Variants in ABL2 observed in about 807,000 individuals in gnomAD.
ABL2 encodes the protein tyrosine-protein kinase ABL2.
A neutral mutation model predicts 107.7 loss-of-function variants in ABL2; 49 were observed. That is an observed-to-expected ratio of 0.45 (90% confidence interval 0.36 to 0.58). The LOEUF (loss-of-function observed/expected upper bound fraction) is 0.58. ABL2 is among the 20% of genes least tolerant of loss of function. The pLI is 0.00. For missense variants in ABL2, 1,245 were observed against 1,457.0 expected (o/e 0.85, Z 2.37); for synonymous variants, 549 against 548.6 (o/e 1.00, Z -0.01).
chr1:179,142,960 A>T lies in ABL2; in HGVS notation c.158-9586T>A, dbSNP rs572184026. The T allele has an allele frequency of 2.5e-6, 4 of 1,614,202 alleles. No homozygotes were observed. The African/African-American group carries it at 4.0e-5, about 16-fold the overall frequency. ...GTTAAGTCGGGTAGAGCAGATTCTG[A>T]GGCCTCAGTGCACAGGCAGCAAAGT... is the stretch of plus-strand genomic sequence containing the variant. On this transcript the variant is annotated intron_variant, in intron 1 of 11. Coordinates refer to ENST00000502732, the MANE Select transcript of ABL2 (RefSeq NM_007314.4).
At chr1:179,188,463 T>C (rs968336051) in intron 1 of ABL2, among the ~76,000 whole-genome samples, 1 of 151,748 alleles carries the variant, frequency 6.6e-6, no homozygotes, top group Non-Finnish European at 1.5e-5. Flanking sequence ...AGGAGAATTG[T>C]TTGAACGCGG....
chr1:179,109,174 G>C lies in ABL2; in HGVS notation c.2093C>G (p.Ala698Gly). 6.2e-7 allele frequency: 1 copy of C among 1,613,926 alleles called. No homozygotes were observed. Among genetic ancestry groups the C allele is most frequent in the Non-Finnish European group, 8.5e-7 (1 of 1,180,010 alleles). The change falls in exon 12 of 12, where the codon GCT (alanine) becomes GGT (glycine). Residue 698 changes from alanine (A) to glycine (G), a missense_variant. Physicochemically the swap from Ala to Gly is moderately conservative, Grantham distance 60. Transcript: ENST00000502732. ...NFSSVASLQHADGFSFTPAQQ... is the reference protein window; with the variant it reads ...NFSSVASLQHGDGFSFTPAQQ... ...GGCAGGAGTGAAAGAGAACCCATCAGCATGCTGTAGAGAAGCAACAGATGA... is the reference window on the plus strand; with the variant it reads ...GGCAGGAGTGAAAGAGAACCCATCACCATGCTGTAGAGAAGCAACAGATGA...
At chr1:179,136,185 G>A (rs1320933326) in intron 1 of ABL2, among the ~76,000 whole-genome samples, 6 of 151,822 alleles carry the variant, frequency 4.0e-5, no homozygotes, top group African/African-American at 1.4e-4. Flanking sequence ...CCCTCTGCCC[G>A]GCCACCACCC....
rs1652961729 is a variant in ABL2, at chr1:179,099,888, T to C, written c.*7830A>G. The C allele has an allele frequency of 4.3e-6, 1 of 232,542 alleles. No homozygotes were observed. Among genetic ancestry groups the C allele is most frequent in the Non-Finnish European group, 8.5e-6 (1 of 117,702 alleles). 14.4% of individuals were successfully genotyped at this position (232,542 alleles called of 1,614,324 possible). ...TGGGAGGAGATGGAGGTTCTGAGTA[T>C]ACATCAACAGCTAAGTCAGCCTGTT... is the stretch of plus-strand genomic sequence containing the variant. On this transcript the variant is annotated 3_prime_UTR_variant, in exon 12 of 12. Coordinates refer to ENST00000502732, the MANE Select transcript of ABL2 (RefSeq NM_007314.4).
intron 1 of ABL2, among the ~76,000 whole-genome samples, chr1:179,203,514 T>A (rs1217878225): frequency 1.3e-5 from 2 of 151,996 alleles, no homozygotes; most frequent in East Asian, 1.9e-4. Flanking sequence ...AGATCATTCT[T>A]CTCAAAGTAA....
intron 3 of ABL2, 85 bp downstream of exon 3, chr1:179,131,226 G>A: frequency 6.9e-7 from 1 of 1,446,184 alleles, no homozygotes; most frequent in Non-Finnish European, 9.4e-7. Flanking sequence ...TTATAGGTGT[G>A]AGCCACTGTG....
intron 7 of ABL2, 22 bp from the exon 8 acceptor site, chr1:179,117,538 T>C (rs371190911): frequency 8.1e-6 from 13 of 1,612,284 alleles, no homozygotes; most frequent in African/African-American, 1.3e-5. Flanking sequence ...AGAACCCTAA[T>C]GTGATTCCAT....
At chr1:179,143,783 A>G (rs537742873) in intron 1 of ABL2, among the ~76,000 whole-genome samples, 89 of 151,940 alleles carry the variant, frequency 5.9e-4, no homozygotes, top group Non-Finnish European at 1.1e-3. Flanking sequence ...TGCAACCTCT[A>G]CCTCACGGGT....
At position 179,107,606 on chromosome 1, in the gene ABL2, A is replaced by T. The variant is rs1653554761; in HGVS notation, c.*112T>A. On this transcript the variant is annotated 3_prime_UTR_variant, in exon 12 of 12. Coordinates refer to ENST00000502732, the MANE Select transcript of ABL2 (RefSeq NM_007314.4). ...CTCAGGGATCTGAGGTACTTCACAT[A>T]AACACACTCAAGTATGAGTCTTTCA... is the stretch of plus-strand genomic sequence containing the variant. The T allele has an allele frequency of 3.3e-6, 5 of 1,503,886 alleles. No homozygotes were observed. Among genetic ancestry groups the T allele is most frequent in the Non-Finnish European group, 4.4e-6 (5 of 1,130,276 alleles). 93.2% of individuals were successfully genotyped at this position (1,503,886 alleles called of 1,614,324 possible). A position where few individuals can be genotyped will look rare whatever the true frequency, so the allele number is the denominator to read the frequency against.
chr1:179,130,434 A>AT (rs1455357003), intron 3 of ABL2, among the ~76,000 whole-genome samples: 1 of 152,204 alleles, frequency 6.6e-6, no homozygotes, highest in Non-Finnish European at 1.5e-5. Flanking sequence ...AGTTCAGCTA[A>AT]TAGTTTTACC....
intron 1 of ABL2, among the ~76,000 whole-genome samples, chr1:179,162,625 T>C (rs947555533): frequency 1.3e-4 from 20 of 152,030 alleles, no homozygotes; most frequent in African/African-American, 4.8e-4. Context: ...CCCCAAAAAA[T>C]AGCTAGAGCA....
rs759563551 is a variant in ABL2, at chr1:179,133,342, C to T, written c.190G>A (p.Glu64Lys). Residue 64 changes from glutamate (E) to lysine (K), a missense_variant, in exon 2 of 12, where the codon GAG becomes AAG. Around this residue, in one of 3 missense-constraint regions of ABL2, gnomAD observed 164 missense variants for 143.7 expected, o/e 1.14. Coordinates refer to ENST00000502732, the MANE Select transcript of ABL2 (RefSeq NM_007314.4). ...CTACTGCCTCCAGTCTTGTCTCCCT[C>T]AAATCCATCCTCCACACAGCTGGCA... is the stretch of plus-strand genomic sequence containing the variant. ...HFASCVEDGFEGDKTGGSSPE... is the reference protein window; with the variant it reads ...HFASCVEDGFKGDKTGGSSPE... The T allele has an allele frequency of 6.2e-7, 1 of 1,614,154 alleles. No individual in the cohort carries two copies. Among genetic ancestry groups the T allele is most frequent in the Non-Finnish European group, 8.5e-7 (1 of 1,180,032 alleles).
chr1:179,190,952 A>G (rs1321697151), intron 1 of ABL2, among the ~76,000 whole-genome samples: 1 of 152,210 alleles, frequency 6.6e-6, no homozygotes, highest in African/African-American at 2.4e-5. Context: ...AGGCCTGGTA[A>G]TGGAGTTGAG....
rs775228215 is a variant in ABL2, at chr1:179,110,408, G to C, written c.1699C>G (p.Pro567Ala). The C allele has an allele frequency of 1.2e-6, 2 of 1,614,140 alleles. No homozygotes were observed. The highest frequency in any genetic ancestry group is 8.5e-7 in the Non-Finnish European group (1 of 1,180,026). The change falls in exon 11 of 12, where the codon CCA becomes GCA. Residue 567 changes from proline (P) to alanine (A), a missense_variant. Transcript: ENST00000502732. ...AGTATAGGTAGCCGGGGCAGGTATGGAACAACAGATGACGAGGAGGCGGCT... is the reference window on the plus strand; with the variant it reads ...AGTATAGGTAGCCGGGGCAGGTATGCAACAACAGATGACGAGGAGGCGGCT... ...GRAASSSSVV[P>A]YLPRLPILPS...
chr1:179,102,363 T>C lies in ABL2; in HGVS notation c.*5355A>G, dbSNP rs367803287. On this transcript the variant is annotated 3_prime_UTR_variant, in exon 12 of 12. Transcript: ENST00000502732. ...AAACCAGAACTCTATCCAAATGATA[T>C]AGATATCTTGACTGTTAAGAGTTGG... 3 of 206,752 alleles carry C rather than the reference T, an allele frequency of 1.5e-5. No individual in the cohort carries two copies. The highest frequency in any genetic ancestry group is 2.0e-5 in the Non-Finnish European group (2 of 101,256). The allele number at this position is 206,752 out of a possible 1,614,324, so 12.8% of individuals were successfully genotyped here. A position where few individuals can be genotyped will look rare whatever the true frequency, so the allele number is the denominator to read the frequency against.
Position 179,128,110 on chromosome 1 carries a change from C to T in ABL2, c.392-1438G>A, listed in dbSNP as rs897841004. 7.9e-5 allele frequency among the ~76,000 whole-genome samples: 12 copies of T among 151,658 alleles called. 1 individual carries two copies. Among genetic ancestry groups the T allele is most frequent in the Admixed American group, 4.6e-4 (7 of 15,208 alleles). On this transcript the variant is annotated intron_variant, in intron 3 of 11. Coordinates refer to ENST00000502732, the MANE Select transcript of ABL2 (RefSeq NM_007314.4). ...AACTAAAAATAATTATCCTTGTAAC[C>T]ATCTGTCCTTTTTTAGTGGCCTTCA...
intron 1 of ABL2, among the ~76,000 whole-genome samples, chr1:179,161,804 T>C (rs938465199): frequency 5.9e-5 from 9 of 152,210 alleles, no homozygotes; most frequent in African/African-American, 1.9e-4. Flanking sequence ...TGTTAGAAAC[T>C]TGATCCTCAA....
chr1:179,185,991 T>A (rs1345965491), intron 1 of ABL2, among the ~76,000 whole-genome samples: 1 of 152,070 alleles, frequency 6.6e-6, no homozygotes, highest in Non-Finnish European at 1.5e-5. Flanking sequence ...CACCCTGTAA[T>A]CCCAGCACTC....
rs139224626 is a variant in ABL2 at position 179,161,774 on chromosome 1, T to C, written c.158-28400A>G. ...AGGTAACATGCTGCTGTGGTTTGAA[T>C]GTGTCCCCCAAAGTTTGTATGTTAG... On this transcript the variant is annotated intron_variant, in intron 1 of 11. Coordinates refer to ENST00000502732, the MANE Select transcript of ABL2 (RefSeq NM_007314.4). Among the ~76,000 whole-genome samples, 338 of 152,322 alleles carry C rather than the reference T, an allele frequency of 2.2e-3. 3 individuals are homozygous for C. Among genetic ancestry groups the C allele is most frequent in the African/African-American group, 7.7e-3 (319 of 41,586 alleles).
Sources: allele counts gnomAD v4.1 joint callset (sites outside exome capture counted in the v4.1 genomes callset), GRCh38; gene constraint gnomAD v4.1.1; regional missense constraint gnomAD v4.1.1; transcripts MANE v1.5; gene names NCBI Gene and HGNC (gene_info 2026-07-23, HGNC 2026-07-21).